KCNB2: variants seen among roughly 807,000 people sequenced by gnomAD.
The protein encoded by KCNB2 is delayed rectifier potassium channel protein.
In KCNB2, 15 loss-of-function variants were observed where a neutral mutation model predicts 61.5. The ratio of observed to expected loss-of-function variants is 0.24; its 90% CI spans 0.16 to 0.38. The LOEUF (loss-of-function observed/expected upper bound fraction) is 0.38, where lower values mean the gene tolerates loss of function less well. Ranked by LOEUF, KCNB2 falls within the 10% of genes least tolerant of loss-of-function variation. The probability of loss-of-function intolerance (pLI) is 1.00; values close to 1 mark genes in which losing one functional copy is unlikely to be tolerated. For synonymous variants in KCNB2, 457 were observed against 446.0 expected (o/e 1.02, Z -0.31); for missense variants, 828 against 1,125.2 (o/e 0.74, Z 3.78).
intron 2 of KCNB2, among the ~76,000 whole-genome samples, chr8:72,608,505 G>A (rs1805488615): frequency 6.6e-6 from 1 of 152,170 alleles, no homozygotes; most frequent in Non-Finnish European, 1.5e-5. Flanking sequence ...GAGAGGTGCT[G>A]ATGCCTTGGA....
chr8:72,755,193 G>A (rs1218760115), intron 2 of KCNB2, among the ~76,000 whole-genome samples: 1 of 152,102 alleles, frequency 6.6e-6, no homozygotes, highest in Non-Finnish European at 1.5e-5. Flanking sequence ...AAAAAAACAG[G>A]GACGTCTAAG....
intron 2 of KCNB2, among the ~76,000 whole-genome samples, chr8:72,895,962 T>C (rs1191014654): frequency 6.6e-6 from 1 of 152,192 alleles, no homozygotes; most frequent in African/African-American, 2.4e-5. Context: ...TTATAACTAT[T>C]TAAGTTGTTA....
chr8:72,850,077 A>G (rs1402096895), intron 2 of KCNB2, among the ~76,000 whole-genome samples: 2 of 152,146 alleles, frequency 1.3e-5, no homozygotes, highest in African/African-American at 4.8e-5. Flanking sequence ...TGAATATTAA[A>G]CACAATAACA....
chr8:72,741,399 C>A lies in KCNB2; in HGVS notation c.579+173086C>A, dbSNP rs530874534. Among the ~76,000 whole-genome samples, 7 of 152,250 alleles carry A rather than the reference C, an allele frequency of 4.6e-5. No individual in the cohort carries two copies. In the East Asian group the frequency reaches 1.4e-3, roughly 29 times the overall value. On this transcript the variant is annotated intron_variant, in intron 2 of 2. Transcript: ENST00000523207. ...CAGGTAGAATTAGTGACTCTCTTAT[C>A]TGTGCATATATTTCTTTTCTTATTA... is the stretch of plus-strand genomic sequence containing the variant.
At chr8:72,590,562 T>C (rs796865163) in intron 2 of KCNB2, among the ~76,000 whole-genome samples, 5 of 152,332 alleles carry the variant, frequency 3.3e-5, no homozygotes, top group African/African-American at 1.2e-4. Context: ...TAATGAGCTT[T>C]CATATGAGTA....
intron 2 of KCNB2, among the ~76,000 whole-genome samples, chr8:72,846,355 G>A (rs1177024277): frequency 6.6e-6 from 1 of 152,062 alleles, no homozygotes; most frequent in African/African-American, 2.4e-5. Context: ...GCATGGGCAA[G>A]GACTTCATGA....
intron 1 of KCNB2, among the ~76,000 whole-genome samples, chr8:72,562,138 T>C (rs1806547166): frequency 6.6e-6 from 1 of 152,076 alleles, no homozygotes; most frequent in Non-Finnish European, 1.5e-5. Flanking sequence ...AAAAATGAAA[T>C]GTTAAACATC....
At position 72,568,181 on chromosome 8, in the gene KCNB2, C is replaced by T. The variant is rs755305477; in HGVS notation, c.447C>T (p.Asn149=). The change falls in exon 2 of 3, where the codon AAC becomes AAT. Residue 149 remains asparagine, a synonymous_variant. Transcript: ENST00000523207. The stretch of plus-strand genomic sequence containing the variant: ...ATCATCAAAAAAAAGAACAAATGAA[C>T]GAAGAACTGAGGCGAGAGGCAGAGA... ...ARYHQKKEQM[N]EELRREAETM... 5.0e-6 allele frequency: 8 copies of T among 1,613,824 alleles called. No individual in the cohort carries two copies. The highest frequency in any genetic ancestry group is 2.7e-5 in the African/African-American group (2 of 74,822).
At chr8:72,707,158 A>G (rs1178056111) in intron 2 of KCNB2, among the ~76,000 whole-genome samples, 1 of 152,272 alleles carries the variant, frequency 6.6e-6, no homozygotes, top group Non-Finnish European at 1.5e-5. Context: ...TGAATTACAA[A>G]GACATCCAGA....
chr8:72,713,941 T>C (rs1807372847), intron 2 of KCNB2, among the ~76,000 whole-genome samples: 1 of 152,074 alleles, frequency 6.6e-6, no homozygotes, highest in African/African-American at 2.4e-5. Context: ...ATAACTAGAA[T>C]AACCAATGCA....
intron 2 of KCNB2, among the ~76,000 whole-genome samples, chr8:72,743,503 C>T (rs1808002108): frequency 6.6e-6 from 1 of 152,166 alleles, no homozygotes; most frequent in East Asian, 1.9e-4. Context: ...TTTCAAAAGA[C>T]TGTATTGGAT....
At chr8:72,682,970 G>A (rs1806786347) in intron 2 of KCNB2, among the ~76,000 whole-genome samples, 1 of 152,130 alleles carries the variant, frequency 6.6e-6, no homozygotes, top group African/African-American at 2.4e-5. Flanking sequence ...AGATAAGATT[G>A]CTTCCAAATA....
chr8:72,758,948 G>A (rs1293754129), intron 2 of KCNB2, among the ~76,000 whole-genome samples: 1 of 152,168 alleles, frequency 6.6e-6, no homozygotes, highest in Non-Finnish European at 1.5e-5. Flanking sequence ...ATATGCCCCA[G>A]CTCTGTTGGA....
chr8:72,772,382 G>T (rs935561636), intron 2 of KCNB2, among the ~76,000 whole-genome samples: 30 of 152,144 alleles, frequency 2.0e-4, no homozygotes, highest in Non-Finnish European at 4.4e-5. Flanking sequence ...CAATCAAATT[G>T]TCTCCAATTG....
At chr8:72,917,855 A>T (rs1371321704) in intron 2 of KCNB2, among the ~76,000 whole-genome samples, 4 of 152,202 alleles carry the variant, frequency 2.6e-5, no homozygotes, top group African/African-American at 9.7e-5. Context: ...TGACTCTCAT[A>T]GTGATATCAG....
At chr8:72,605,683 A>G (rs1012743767) in intron 2 of KCNB2, among the ~76,000 whole-genome samples, 1 of 152,202 alleles carries the variant, frequency 6.6e-6, no homozygotes, top group Non-Finnish European at 1.5e-5. Context: ...TTAGTCCCAG[A>G]CCAATTTCAT....
chr8:72,705,160 C>A (rs758879562), intron 2 of KCNB2, among the ~76,000 whole-genome samples: 8 of 152,156 alleles, frequency 5.3e-5, no homozygotes, highest in Non-Finnish European at 1.2e-4. Context: ...GACATCTTTT[C>A]TCACTTCCTC....
chr8:72,622,921 G>T (rs145900016), intron 2 of KCNB2, among the ~76,000 whole-genome samples: 1 of 152,280 alleles, frequency 6.6e-6, no homozygotes, highest in African/African-American at 2.4e-5. Context: ...GCTCCTGCTA[G>T]AACTTGCCAT....
chr8:72,746,713 C>T (rs2128995194), intron 2 of KCNB2, among the ~76,000 whole-genome samples: 1 of 152,292 alleles, frequency 6.6e-6, no homozygotes, highest in South Asian at 2.1e-4. Context: ...ATATATCTTT[C>T]TGTGATTGCT....
Sources: gnomAD v4.1 joint callset for allele counts (sites outside exome capture counted in the v4.1 genomes callset) on GRCh38, gnomAD v4.1.1 for gene constraint, MANE v1.5 for transcripts, NCBI Gene and HGNC (gene_info 2026-07-23, HGNC 2026-07-21) for gene names.